The following WDTC1 variants were observed in gnomAD, a reference collection of about 807,000 sequenced individuals.
The protein encoded by WDTC1 is WD and tetratricopeptide repeats protein 1.
WDTC1 carries 12 observed loss-of-function variants against 76.0 expected under a neutral mutation model. The observed-to-expected ratio is 0.16, with a 90% CI of 0.10 to 0.26. The LOEUF is 0.26. Ranked by LOEUF, WDTC1 falls within the 10% of genes least tolerant of loss-of-function variation. WDTC1 has a pLI of 1.00. For synonymous variants in WDTC1, 326 were observed against 350.8 expected (o/e 0.93, Z 0.79); for missense variants, 511 against 908.8 (o/e 0.56, Z 5.63).
Position 27,298,098 on chromosome 1 carries a change from A to G in WDTC1, c.1219A>G (p.Met407Val). The change falls in exon 12 of 16, where the codon ATG becomes GTG. Residue 407 changes from methionine to valine, a missense_variant. Met to Val is a conservative substitution (Grantham distance 21). Coordinates refer to ENST00000319394, the MANE Select transcript of WDTC1 (RefSeq NM_001276252.2). ...TTATGGAAACCGAGCAGCAGCCTAC[A>G]TGAAGCGCAAGTGGTGAGTGGCCAC... Reference protein sequence around the residue: ...MLYGNRAAAYMKRKWDGDHYD... With the variant: ...MLYGNRAAAYVKRKWDGDHYD... 6.2e-7 allele frequency: 1 copy of G among 1,610,794 alleles called. No homozygotes were observed. Among genetic ancestry groups the G allele is most frequent in the Non-Finnish European group, 8.5e-7 (1 of 1,177,900 alleles).
At chr1:27,252,792 C>T (rs772321095) in intron 1 of WDTC1, among the ~76,000 whole-genome samples, 1 of 150,990 alleles carries the variant, frequency 6.6e-6, no homozygotes, top group African/African-American at 2.4e-5. Flanking sequence ...ACCGAGACTC[C>T]GTCTCAAAAA....
Position 27,243,180 on chromosome 1 carries a change from G to A in WDTC1, c.-100+8229G>A, listed in dbSNP as rs538821920. Among the ~76,000 whole-genome samples, 7 of 147,622 alleles carry A rather than the reference G, an allele frequency of 4.7e-5. No individual in the cohort carries two copies. In the South Asian group the frequency reaches 1.5e-3, roughly 32 times the overall value. On this transcript the variant is annotated intron_variant, in intron 1 of 15. Coordinates refer to ENST00000319394, the MANE Select transcript of WDTC1 (RefSeq NM_001276252.2). Reference sequence around the variant, plus strand: ...AATACTGATATTACAGGTGTGAGCCGCTGCTCCCTGGCCAGTAATTTTTTT... The same window carrying A: ...AATACTGATATTACAGGTGTGAGCCACTGCTCCCTGGCCAGTAATTTTTTT...
At position 27,301,061 on chromosome 1, in the gene WDTC1, G is replaced by A. The variant is rs981585246; in HGVS notation, c.1233-165G>A. Among the ~76,000 whole-genome samples the A allele has an allele frequency of 1.3e-5, 2 of 152,210 alleles. No homozygotes were observed. The highest frequency in any genetic ancestry group is 2.9e-5 in the Non-Finnish European group (2 of 68,034). ...CTTAACCATACTCTGTCTCCTGATG[G>A]GGGAGGCCTGGGCTGAGCCAGGATT... On this transcript the variant is annotated intron_variant, in intron 12 of 15. Transcript: ENST00000319394. This position sits in a 1 kb window ranked among gnomAD's most constrained non-coding sequence, Gnocchi z 5.8.
chr1:27,292,096 A>G (rs556895662), intron 6 of WDTC1, 119 bp from the exon 7 acceptor site: 1 of 1,093,566 alleles, frequency 9.1e-7, no homozygotes, highest in African/African-American at 1.6e-5. Flanking sequence ...TGACATTCTT[A>G]TTTAGAAACA....
chr1:27,285,028 CTTTTT>C (rs758125297), intron 5 of WDTC1, among the ~76,000 whole-genome samples: 27 of 117,046 alleles, frequency 2.3e-4, no homozygotes, highest in Admixed American at 5.2e-4. Flanking sequence ...AGACCTTGGT[CTTTTT>C]TTTTTTTTTT....
chr1:27,290,123 C>T (rs1275182009), intron 6 of WDTC1, among the ~76,000 whole-genome samples: 3 of 152,014 alleles, frequency 2.0e-5, no homozygotes, highest in Admixed American at 6.6e-5. Flanking sequence ...ATTCTATTGC[C>T]GAGGTTGGAG....
chr1:27,238,848 A>C (rs562775080), intron 1 of WDTC1, among the ~76,000 whole-genome samples: 3 of 151,938 alleles, frequency 2.0e-5, no homozygotes, highest in East Asian at 3.9e-4. Flanking sequence ...TACAGGTGTG[A>C]GACACCGCGC....
intron 1 of WDTC1, among the ~76,000 whole-genome samples, chr1:27,241,865 G>A (rs2011638342): frequency 6.6e-6 from 1 of 151,432 alleles, no homozygotes; most frequent in African/African-American, 2.4e-5. Context: ...GCTCAAACAA[G>A]TGGCTGGGTG....
intron 3 of WDTC1, among the ~76,000 whole-genome samples, chr1:27,265,803 C>T (rs927443913): frequency 3.9e-5 from 6 of 151,906 alleles, no homozygotes; most frequent in Non-Finnish European, 8.8e-5. Flanking sequence ...AAAAATCAGT[C>T]GGCCATGGTG....
chr1:27,243,198 ATTTTTTTTT>A (rs10714028), intron 1 of WDTC1, among the ~76,000 whole-genome samples: 2 of 60,250 alleles, frequency 3.3e-5, no homozygotes, highest in Non-Finnish European at 6.8e-5. Flanking sequence ...CTGGCCAGTA[ATTTTTTTTT>A]TTTTTTTTTT....
intron 1 of WDTC1, among the ~76,000 whole-genome samples, chr1:27,244,568 C>A (rs2011748601): frequency 6.6e-6 from 1 of 152,152 alleles, no homozygotes. Flanking sequence ...CTGCTCTCGA[C>A]CTCCCGGCCT....
intron 3 of WDTC1, among the ~76,000 whole-genome samples, chr1:27,269,647 C>T (rs1467009506): frequency 2.7e-5 from 3 of 109,588 alleles, no homozygotes; most frequent in African/African-American, 1.0e-4. Context: ...GATGGAATTG[C>T]TCTGTCACCC....
chr1:27,300,664 G>T (rs1019215020), intron 12 of WDTC1, among the ~76,000 whole-genome samples: 11 of 152,166 alleles, frequency 7.2e-5, no homozygotes. Flanking sequence ...GCCCCAGGAG[G>T]TAGAGGCCAC....
At chr1:27,243,073 G>A (rs889904709) in intron 1 of WDTC1, among the ~76,000 whole-genome samples, 2 of 152,114 alleles carry the variant, frequency 1.3e-5, no homozygotes, top group Admixed American at 6.6e-5. Flanking sequence ...TTAAATTTGT[G>A]TTTGAGATCA....
chr1:27,252,027 G>A (rs2012083324), intron 1 of WDTC1, among the ~76,000 whole-genome samples: 1 of 151,542 alleles, frequency 6.6e-6, no homozygotes, highest in Non-Finnish European at 1.5e-5. Context: ...CAGCCTGGGT[G>A]ATAGAGCAAG....
At chr1:27,299,550 G>C (rs971412618) in intron 12 of WDTC1, among the ~76,000 whole-genome samples, 2 of 152,082 alleles carry the variant, frequency 1.3e-5, no homozygotes, top group Non-Finnish European at 2.9e-5. Context: ...GCATGGGGGT[G>C]GGGGACTGAC....
At chr1:27,268,363 C>T (rs1420544109) in intron 3 of WDTC1, among the ~76,000 whole-genome samples, 1 of 151,676 alleles carries the variant, frequency 6.6e-6, no homozygotes, top group Non-Finnish European at 1.5e-5. Flanking sequence ...GATTGGCTTT[C>T]AAGATACTTT....
At position 27,294,040 on chromosome 1, in the gene WDTC1, C is replaced by T; in HGVS notation, c.681C>T (p.Ser227=). Residue 227 remains serine, a synonymous_variant, in exon 8 of 16, where the codon AGC becomes AGT. Coordinates refer to ENST00000319394, the MANE Select transcript of WDTC1 (RefSeq NM_001276252.2). ...IHNHRKSMKQ[S]PSAGVHTFCD... is the part of the protein sequence containing the mutation. ...CCACCAGAAAGAGCATGAAGCAGAGCCCTTCAGCGGGTGTGCACACCTTCT... is the reference window on the plus strand; with the variant it reads ...CCACCAGAAAGAGCATGAAGCAGAGTCCTTCAGCGGGTGTGCACACCTTCT... 1 of 1,614,054 alleles carries T rather than the reference C, an allele frequency of 6.2e-7. No individual in the cohort carries two copies. Among genetic ancestry groups the T allele is most frequent in the South Asian group, 1.1e-5 (1 of 91,074 alleles).
intron 3 of WDTC1, among the ~76,000 whole-genome samples, chr1:27,271,700 T>C (rs1424742927): frequency 6.6e-6 from 1 of 151,444 alleles, no homozygotes; most frequent in African/African-American, 2.4e-5. Flanking sequence ...TGCAATGGCA[T>C]GATCTCATCT....
Sources: gnomAD v4.1 joint callset for allele counts (sites outside exome capture counted in the v4.1 genomes callset) on GRCh38, gnomAD v4.1.1 for gene constraint, Gnocchi (gnomAD v3.1) non-coding constraint, MANE v1.5 for transcripts, NCBI Gene and HGNC (gene_info 2026-07-23, HGNC 2026-07-21) for gene names.